Variants in CYB5R1 observed in about 807,000 individuals in gnomAD.
The protein encoded by CYB5R1 is cytochrome b5 reductase 1.
Under a neutral mutation model 37.4 loss-of-function variants are expected in CYB5R1, and 32 were observed. The ratio of observed to expected loss-of-function variants is 0.86; its 90% confidence interval spans 0.65 to 1.15. The LOEUF (loss-of-function observed/expected upper bound fraction) is 1.15. Ranked by LOEUF, CYB5R1 falls within the 50% of genes most tolerant of loss-of-function variation. CYB5R1 has a pLI of 0.00. For synonymous variants in CYB5R1, 159 were observed against 155.2 expected (o/e 1.02, Z -0.18); for missense variants, 345 against 382.5 (o/e 0.90, Z 0.82).
chr1:202,967,014 A>G, intron 1 of CYB5R1, 116 bp from the exon 2 acceptor site: 1 of 1,450,824 alleles, frequency 6.9e-7, no homozygotes, highest in African/African-American at 1.4e-5. Context: ...CCAAGGGCAG[A>G]GGGGTAACCT....
intron 6 of CYB5R1, 185 bp downstream of exon 6, chr1:202,964,427 A>C: frequency 1.7e-6 from 1 of 596,914 alleles, no homozygotes; most frequent in South Asian, 2.1e-5. Context: ...CATCAGTTAA[A>C]ATTTTTTTTG....
chr1:202,963,780 C>T, intron 6 of CYB5R1, 53 bp from the exon 7 acceptor site: 1 of 1,315,540 alleles, frequency 7.6e-7, no homozygotes, highest in Non-Finnish European at 1.0e-6. Flanking sequence ...TCTGCCCTGT[C>T]CTGGCTCCTT....
intron 3 of CYB5R1, 77 bp downstream of exon 3, chr1:202,966,451 G>A: frequency 1.3e-6 from 2 of 1,502,530 alleles, no homozygotes; most frequent in Non-Finnish European, 9.3e-7. Context: ...TTGAAGCAGC[G>A]TGTTTCATGA....
At chr1:202,962,824 G>T in intron 8 of CYB5R1, 125 bp from the exon 9 acceptor site, 1 of 1,261,918 alleles carries the variant, frequency 7.9e-7, no homozygotes, top group Non-Finnish European at 1.1e-6. Context: ...AGCAGCAGCT[G>T]GGAATGGGTA....
Position 202,966,780 on chromosome 1 carries a change from T to C in CYB5R1, c.134A>G (p.Glu45Gly). 1 of 1,614,078 alleles carries C rather than the reference T, an allele frequency of 6.2e-7. No individual in the cohort carries two copies. Among genetic ancestry groups the C allele is most frequent in the Non-Finnish European group, 8.5e-7 (1 of 1,179,954 alleles). Residue 45 changes from glutamate (E) to glycine (G), a missense_variant, in exon 2 of 9, where the codon GAA (glutamate) becomes GGA (glycine). Coordinates refer to ENST00000367249, the MANE Select transcript of CYB5R1 (RefSeq NM_016243.3). ...GTCTAGCAGTCGTAGCAGGTACTTT[T>C]CATTGGGGTCCAGGAGAGTGACCTG... ...RPQVTLLDPN[E>G]KYLLRLLDKT...
chr1:202,963,522 G>T, intron 7 of CYB5R1, 120 bp downstream of exon 7: 1 of 681,614 alleles, frequency 1.5e-6, no homozygotes. Flanking sequence ...GCCTTACAGA[G>T]GGGACCTTGG....
At position 202,962,419 on chromosome 1, in the gene CYB5R1, G is replaced by A; in HGVS notation, c.*108C>T. The A allele has an allele frequency of 7.5e-7, 1 of 1,338,736 alleles. No homozygotes were observed. The highest frequency in any genetic ancestry group is 1.5e-5 in the South Asian group (1 of 68,582). 82.9% of individuals were successfully genotyped at this position (1,338,736 alleles called of 1,614,324 possible). Reference sequence around the variant, plus strand: ...TACTATCCAGATTTCAGCTCTAGATGTAACTGAAAAAACCTGAAACTCTGA... The same window carrying A: ...TACTATCCAGATTTCAGCTCTAGATATAACTGAAAAAACCTGAAACTCTGA... On this transcript the variant is annotated 3_prime_UTR_variant, in exon 9 of 9. Transcript: ENST00000367249.
rs569436790 is a variant in CYB5R1, at chr1:202,966,081, G to A, written c.239-88C>T. Reference sequence around the variant, plus strand: ...TCAAAGAGATTTGAGAGAACAAGATGTCTTGCTTCCTGCTGTGGTCCCAAG... The same window carrying A: ...TCAAAGAGATTTGAGAGAACAAGATATCTTGCTTCCTGCTGTGGTCCCAAG... On this transcript the variant is annotated intron_variant, in intron 3 of 8. Coordinates refer to ENST00000367249, the MANE Select transcript of CYB5R1 (RefSeq NM_016243.3). 104 of 909,200 alleles carry A rather than the reference G, an allele frequency of 1.1e-4. 1 individual carries two copies. Among genetic ancestry groups the A allele is most frequent in the Non-Finnish European group, 1.5e-4 (88 of 569,576 alleles). The allele number at this position is 909,200 out of a possible 1,614,324, so 56.3% of individuals were successfully genotyped here. A position where few individuals can be genotyped will look rare whatever the true frequency, so the allele number is the denominator to read the frequency against.
At chr1:202,967,098 G>A (rs1655113195) in intron 1 of CYB5R1, 93 bp downstream of exon 1, 2 of 1,508,910 alleles carry the variant, frequency 1.3e-6, no homozygotes, top group East Asian at 4.9e-5. Context: ...CTGCGGGGCG[G>A]GGTCGGCAGC....
intron 4 of CYB5R1, 139 bp from the exon 5 acceptor site, chr1:202,965,639 T>TC: frequency 9.5e-7 from 1 of 1,055,022 alleles, no homozygotes; most frequent in Non-Finnish European, 1.3e-6. Context: ...CTTTCTTTCT[T>TC]TTTTTTTTTT....
At chr1:202,962,995 A>C (rs763702340) in intron 8 of CYB5R1, 71 bp downstream of exon 8, 7 of 1,417,546 alleles carry the variant, frequency 4.9e-6, no homozygotes, top group Non-Finnish European at 7.0e-6. Context: ...TGAAGCCAGA[A>C]TTCACAAAGG....
At chr1:202,962,753 G>C (rs1278747037) in intron 8 of CYB5R1, 54 bp from the exon 9 acceptor site, 1 of 1,595,676 alleles carries the variant, frequency 6.3e-7, no homozygotes, top group Non-Finnish European at 8.6e-7. Flanking sequence ...GCTGGCAAGG[G>C]GGTGTGGTGC....
intron 5 of CYB5R1, chr1:202,964,959 A>G: frequency 3.9e-6 from 2 of 514,284 alleles, no homozygotes; most frequent in Non-Finnish European, 7.0e-6. Flanking sequence ...CTGGTGAAGG[A>G]GACAGGCACA....
intron 8 of CYB5R1, 141 bp from the exon 9 acceptor site, chr1:202,962,840 A>C: frequency 2.7e-6 from 3 of 1,129,374 alleles, no homozygotes; most frequent in Non-Finnish European, 3.9e-6. Flanking sequence ...GGGTATACTC[A>C]GCCTGCCTCA....
In CYB5R1 at chr1:202,966,518, C is replaced by T. The variant is rs1406202518; in HGVS notation, c.238+10G>A. The T allele has an allele frequency of 2.5e-6, 4 of 1,614,116 alleles. No homozygotes were observed. In the South Asian group the frequency reaches 4.4e-5, roughly 18 times the overall value. Reference sequence around the variant, plus strand: ...ACCAGGGAAAGGAGCCCATTCCACACTTTCCTTACCCACAGGCAGCCCCAG... The same window carrying T: ...ACCAGGGAAAGGAGCCCATTCCACATTTTCCTTACCCACAGGCAGCCCCAG... On this transcript the variant is annotated intron_variant, in intron 3 of 8. Coordinates refer to ENST00000367249, the MANE Select transcript of CYB5R1 (RefSeq NM_016243.3).
rs528539751 is a variant in CYB5R1, at chr1:202,964,894, T to A, written c.476-199A>T. 1.0e-4 allele frequency: 60 copies of A among 594,232 alleles called. No individual in the cohort carries two copies. The South Asian group carries it at 1.1e-3, about 11-fold the overall frequency. The allele number at this position is 594,232 out of a possible 1,614,324, so 36.8% of individuals were successfully genotyped here. A position where few individuals can be genotyped will look rare whatever the true frequency, so the allele number is the denominator to read the frequency against. On this transcript the variant is annotated intron_variant, in intron 5 of 8. Transcript: ENST00000367249. Reference sequence around the variant, plus strand: ...GGGACAATGGGGCCAGGGCTATCTGTGAGTCAGTTCAGCGCCACACAATGT... The same window carrying A: ...GGGACAATGGGGCCAGGGCTATCTGAGAGTCAGTTCAGCGCCACACAATGT...
At position 202,965,494 on chromosome 1, in the gene CYB5R1, G is replaced by A. The variant is rs774617892; in HGVS notation, c.352C>T (p.Leu118=). ...GGAAATTTGGGGTGCACACCCTTCAGGTAGACCTTACAAGACAGAGAGAAA... is the reference window on the plus strand; with the variant it reads ...GGAAATTTGGGGTGCACACCCTTCAAGTAGACCTTACAAGACAGAGAGAAA... ...GYVDLVIKVY[L]KGVHPKFPEG... Residue 118 remains leucine, a synonymous_variant, in exon 5 of 9, where the codon CTG becomes TTG. Transcript: ENST00000367249. 26 of 1,588,166 alleles carry A rather than the reference G, an allele frequency of 1.6e-5. No homozygotes were observed. Among genetic ancestry groups the A allele is most frequent in the Non-Finnish European group, 2.1e-5 (25 of 1,170,064 alleles).
chr1:202,966,665 C>G, intron 2 of CYB5R1, 65 bp from the exon 3 acceptor site: 1 of 1,613,420 alleles, frequency 6.2e-7, no homozygotes, highest in African/African-American at 1.3e-5. Flanking sequence ...CCTTGGACAT[C>G]CCAACCACCG....
At chr1:202,965,641 T>C (rs1655075461) in intron 4 of CYB5R1, 141 bp from the exon 5 acceptor site, 2 of 1,081,304 alleles carry the variant, frequency 1.8e-6, no homozygotes, top group Non-Finnish European at 2.6e-6. Flanking sequence ...TTCTTTCTTT[T>C]TTTTTTTTGA....
Sources: allele counts gnomAD v4.1 joint callset, GRCh38; gene constraint gnomAD v4.1.1; transcripts MANE v1.5; gene names NCBI Gene and HGNC (gene_info 2026-07-23, HGNC 2026-07-21).